Variants in ARK2N observed in about 807,000 individuals in gnomAD.
The protein encoded by ARK2N is arkadia (RNF111) N-terminal like PKA signaling regulator 2N, also known as protein ARK2N.
At chr18:46,189,421 A>G in the ARK2N span, among the ~76,000 whole-genome samples, 1 of 152,096 alleles carries the variant, frequency 6.6e-6, no homozygotes, top group African/African-American at 2.4e-5. Context: ...CATTAGGAAA[A>G]CTTACTTTAA....
chr18:46,195,462 T>G, the ARK2N span, among the ~76,000 whole-genome samples: 1 of 151,518 alleles, frequency 6.6e-6, no homozygotes, highest in African/African-American at 2.4e-5. Context: ...TTACCCAGGC[T>G]GGTCTCAAAC....
chr18:46,221,129 C>G, the ARK2N span, among the ~76,000 whole-genome samples: 4 of 148,730 alleles, frequency 2.7e-5, no homozygotes, highest in African/African-American at 9.9e-5. Flanking sequence ...GAGCGAGACT[C>G]TGTCTCAAAA....
At chr18:46,183,651 G>T in the ARK2N span, among the ~76,000 whole-genome samples, 1 of 152,090 alleles carries the variant, frequency 6.6e-6, no homozygotes, top group Non-Finnish European at 1.5e-5. Flanking sequence ...GGGATGAGTT[G>T]CTGTGGAGAA....
chr18:46,174,798 G>A, the ARK2N span, among the ~76,000 whole-genome samples: 1 of 152,218 alleles, frequency 6.6e-6, no homozygotes. Context: ...AACTCCGCCA[G>A]CTCCGAGAGT....
At chr18:46,173,831 C>G in the ARK2N span, 1 of 152,284 alleles carries the variant, frequency 6.6e-6, no homozygotes, top group Non-Finnish European at 1.5e-5. Flanking sequence ...AGGTGACGGT[C>G]TCAACAGAAG....
chr18:46,189,610 G>A, the ARK2N span, among the ~76,000 whole-genome samples: 311 of 152,288 alleles, frequency 2.0e-3, no homozygotes, highest in Non-Finnish European at 2.8e-3. Flanking sequence ...TCTTTGGCCA[G>A]GTGTGGTGGC....
the ARK2N span, among the ~76,000 whole-genome samples, chr18:46,252,461 G>A: frequency 2.0e-5 from 3 of 151,990 alleles, no homozygotes; most frequent in Non-Finnish European, 4.4e-5. Flanking sequence ...TTTTAGTAGA[G>A]ATGGGGTTTC....
chr18:46,193,087 A>G, the ARK2N span, among the ~76,000 whole-genome samples: 2 of 151,570 alleles, frequency 1.3e-5, no homozygotes, highest in Non-Finnish European at 2.9e-5. Context: ...AATTGCTTGA[A>G]CCTGGGCAGT....
the ARK2N span, among the ~76,000 whole-genome samples, chr18:46,221,672 A>G: frequency 1.3e-5 from 2 of 151,588 alleles, no homozygotes; most frequent in African/African-American, 4.9e-5. Flanking sequence ...TTCTTTGCAC[A>G]TTTTTCTTCT....
At chr18:46,175,005 G>T in the ARK2N span, among the ~76,000 whole-genome samples, 1 of 152,176 alleles carries the variant, frequency 6.6e-6, no homozygotes, top group South Asian at 2.1e-4. Flanking sequence ...CCGCTTCTGG[G>T]GAGTTTGTCA....
At chr18:46,233,562 T>C in the ARK2N span, among the ~76,000 whole-genome samples, 1 of 152,188 alleles carries the variant, frequency 6.6e-6, no homozygotes, top group African/African-American at 2.4e-5. Flanking sequence ...ACTTTATAGT[T>C]AGTGGTGACA....
At chr18:46,240,397 TAA>T in the ARK2N span, among the ~76,000 whole-genome samples, 1 of 152,206 alleles carries the variant, frequency 6.6e-6, no homozygotes, top group East Asian at 1.9e-4. Flanking sequence ...GAAGTAGAAA[TAA>T]GAGCATTTAA....
the ARK2N span, chr18:46,215,794 T>G: frequency 7.9e-7 from 1 of 1,260,370 alleles, no homozygotes; most frequent in Non-Finnish European, 1.1e-6. Flanking sequence ...TTATTGACTT[T>G]GTGTGTTTTT....
the ARK2N span, among the ~76,000 whole-genome samples, chr18:46,230,686 A>T: frequency 6.6e-6 from 1 of 152,354 alleles, no homozygotes; most frequent in Non-Finnish European, 1.5e-5. Context: ...ATGGGAGAGA[A>T]TTAAAAGGAT....
the ARK2N span, chr18:46,217,864 A>C: frequency 6.6e-6 from 1 of 152,152 alleles, no homozygotes; most frequent in African/African-American, 2.4e-5. Flanking sequence ...TCATCAGTTA[A>C]ATGTATGAGA....
At chr18:46,174,576 C>T in the ARK2N span, among the ~76,000 whole-genome samples, 2 of 152,200 alleles carry the variant, frequency 1.3e-5, no homozygotes, top group African/African-American at 2.4e-5. Context: ...CCGTTGGTGA[C>T]CCTAGCGTCC....
the ARK2N span, among the ~76,000 whole-genome samples, chr18:46,257,485 G>A: frequency 1.3e-5 from 2 of 152,060 alleles, no homozygotes; most frequent in African/African-American, 4.8e-5. Flanking sequence ...TTTTATGATT[G>A]CCTTGTATTG....
the ARK2N span, chr18:46,228,631 A>G: frequency 0.73 from 285,678 of 392,856 alleles, 104,489 homozygotes; most frequent in Middle Eastern, 0.76. Flanking sequence ...TGTCATCTAC[A>G]CTGGAGTGCA....
At chr18:46,261,800 T>C in the ARK2N span, among the ~76,000 whole-genome samples, 1 of 152,174 alleles carries the variant, frequency 6.6e-6, no homozygotes, top group African/African-American at 2.4e-5. Context: ...GGAGAAGTTA[T>C]CAGATTAAGC....
Sources: allele counts gnomAD v4.1 joint callset (sites outside exome capture counted in the v4.1 genomes callset), GRCh38; gene constraint gnomAD v4.1.1; transcripts MANE v1.5; gene names NCBI Gene and HGNC (gene_info 2026-07-23, HGNC 2026-07-21).